The following ADCK1 variants were observed in gnomAD, a reference collection of about 807,000 sequenced individuals.
ADCK1 encodes the protein aarF domain containing kinase 1, also known as aarF domain-containing protein kinase 1.
A neutral mutation model predicts 52.3 loss-of-function variants in ADCK1; 41 were observed. That is an observed-to-expected ratio of 0.78 (90% CI 0.61 to 1.02). The LOEUF is 1.02. Ranked by LOEUF, ADCK1 falls within the 50% of genes least tolerant of loss-of-function variation. The pLI is 0.00. For missense variants in ADCK1, 658 were observed against 679.5 expected, an observed-to-expected ratio of 0.97 and a Z score of 0.35; for synonymous variants, 250 against 274.6, an observed-to-expected ratio of 0.91 and a Z score of 0.89.
intron 1 of ADCK1, among the ~76,000 whole-genome samples, chr14:77,801,161 C>T (rs1000740065): frequency 6.6e-6 from 1 of 152,182 alleles, no homozygotes; most frequent in Admixed American, 6.5e-5. Flanking sequence ...GAGCTAGTAA[C>T]AACACACAGT....
intron 5 of ADCK1, among the ~76,000 whole-genome samples, chr14:77,889,775 T>C (rs897957556): frequency 6.6e-6 from 1 of 151,936 alleles, no homozygotes; most frequent in African/African-American, 2.4e-5. Context: ...GGGATATCCC[T>C]GTTGGTCTGG....
intron 8 of ADCK1, 58 bp downstream of exon 8, chr14:77,924,664 A>C (rs912861218): frequency 3.5e-5 from 56 of 1,590,812 alleles, no homozygotes; most frequent in Middle Eastern, 4.0e-4. Flanking sequence ...TCTGCTGACC[A>C]CTCTAATTAG....
intron 5 of ADCK1, among the ~76,000 whole-genome samples, chr14:77,898,420 A>C (rs977333381): frequency 3.3e-5 from 5 of 152,220 alleles, no homozygotes; most frequent in African/African-American, 1.2e-4. Context: ...CTGGATAAAG[A>C]AAATGTGGTA....
intron 3 of ADCK1, among the ~76,000 whole-genome samples, chr14:77,857,321 T>A (rs1336326472): frequency 6.6e-6 from 1 of 152,070 alleles, no homozygotes; most frequent in Non-Finnish European, 1.5e-5. Context: ...TCAAAAAAAA[T>A]TGTGCAAATT....
intron 1 of ADCK1, among the ~76,000 whole-genome samples, chr14:77,806,567 T>C (rs1276084066): frequency 6.6e-6 from 1 of 152,160 alleles, no homozygotes; most frequent in Admixed American, 6.5e-5. Flanking sequence ...ACTTTTTCAG[T>C]GTGCCTTTCG....
At chr14:77,835,335 A>T (rs1017790003) in intron 3 of ADCK1, among the ~76,000 whole-genome samples, 4 of 152,202 alleles carry the variant, frequency 2.6e-5, no homozygotes, top group African/African-American at 9.7e-5. Flanking sequence ...TACCTTACCC[A>T]TGCAGTTGTA....
intron 5 of ADCK1, among the ~76,000 whole-genome samples, chr14:77,890,401 G>C (rs1241250198): frequency 6.6e-6 from 1 of 152,214 alleles, no homozygotes; most frequent in South Asian, 2.1e-4. Flanking sequence ...AGTGGCCCAA[G>C]AGAATAAGGC....
At position 77,925,675 on chromosome 14, in the gene ADCK1, G is replaced by A. The variant is rs559134757; in HGVS notation, c.1009-89G>A. The A allele has an allele frequency of 7.7e-5, 103 of 1,336,520 alleles. 1 individual carries two copies. In the Middle Eastern group the frequency reaches 1.6e-3, roughly 20 times the overall value. The allele number at this position is 1,336,520 out of a possible 1,614,324, so 82.8% of individuals were successfully genotyped here. On this transcript the variant is annotated intron_variant, in intron 8 of 10. Transcript: ENST00000238561. ...GTGGGAAGGCACAGTCCTCACCGTC[G>A]TCTTTTGCAATGGTTGGCATCAGCC...
chr14:77,924,270 G>A (rs2084130534), intron 7 of ADCK1, 187 bp from the exon 8 acceptor site: 1 of 707,600 alleles, frequency 1.4e-6, no homozygotes, highest in South Asian at 2.0e-5. Flanking sequence ...CTAAGGTGCA[G>A]CTAAAGTTAA....
At chr14:77,816,428 T>A (rs201846689) in intron 1 of ADCK1, among the ~76,000 whole-genome samples, 14 of 151,700 alleles carry the variant, frequency 9.2e-5, no homozygotes, top group South Asian at 4.2e-4. Context: ...TTTCTGATTG[T>A]GGATCTTAAC....
intron 1 of ADCK1, among the ~76,000 whole-genome samples, chr14:77,811,122 C>T (rs2081331338): frequency 6.6e-6 from 1 of 151,474 alleles, no homozygotes; most frequent in Non-Finnish European, 1.5e-5. Flanking sequence ...GTGGGGGCCA[C>T]CTAGAATGTT....
chr14:77,865,342 G>A (rs979513953), intron 4 of ADCK1, among the ~76,000 whole-genome samples: 1 of 152,108 alleles, frequency 6.6e-6, no homozygotes, highest in Non-Finnish European at 1.5e-5. Context: ...ATTTAGCCAA[G>A]TGTGGTGGTG....
chr14:77,846,239 A>T (rs1210001772), intron 3 of ADCK1, among the ~76,000 whole-genome samples: 1 of 152,134 alleles, frequency 6.6e-6, no homozygotes, highest in Non-Finnish European at 1.5e-5. Context: ...TTCAATAGCC[A>T]GCTGGTGCCA....
In ADCK1 at chr14:77,933,473, T is replaced by G; in HGVS notation, c.*82T>G. ...TTGCCTCCACCCAGCTGCTCCATTT[T>G]TGCCACATCGTGGCCCGCAGCCCCA... On this transcript the variant is annotated 3_prime_UTR_variant, in exon 11 of 11. Transcript: ENST00000238561. 1 of 1,566,084 alleles carries G rather than the reference T, an allele frequency of 6.4e-7. No individual in the cohort carries two copies. Among genetic ancestry groups the G allele is most frequent in the Non-Finnish European group, 8.7e-7 (1 of 1,144,378 alleles).
chr14:77,848,805 C>T (rs933599015), intron 3 of ADCK1, among the ~76,000 whole-genome samples: 4 of 151,196 alleles, frequency 2.6e-5, no homozygotes, highest in African/African-American at 9.7e-5. Flanking sequence ...ACTCTGTTGC[C>T]CAGGCTGAGG....
intron 1 of ADCK1, among the ~76,000 whole-genome samples, chr14:77,806,781 C>G (rs2081233251): frequency 6.6e-6 from 1 of 151,988 alleles, no homozygotes; most frequent in Non-Finnish European, 1.5e-5. Context: ...GTGGCATGGT[C>G]CCAGCTCACT....
chr14:77,806,163 C>G (rs1422479896), intron 1 of ADCK1, among the ~76,000 whole-genome samples: 1 of 151,500 alleles, frequency 6.6e-6, no homozygotes, highest in Non-Finnish European at 1.5e-5. Context: ...TGAGCTCAAG[C>G]GGTCTTCCCA....
rs1363334178 is a variant in ADCK1, at chr14:77,934,622, T to A, written c.*1231T>A. 3 of 152,296 alleles carry A rather than the reference T, an allele frequency of 2.0e-5. No individual in the cohort carries two copies. Among genetic ancestry groups the A allele is most frequent in the Non-Finnish European group, 4.4e-5 (3 of 68,108 alleles). The allele number at this position is 152,296 out of a possible 1,614,324, so 9.4% of individuals were successfully genotyped here. ...CCCAGCCTGGTTGTCTGCTTCTGTT[T>A]CTTGGACATCCCTAAGCTCCTGCTC... is the stretch of plus-strand genomic sequence containing the variant. On this transcript the variant is annotated 3_prime_UTR_variant, in exon 11 of 11. Transcript: ENST00000238561.
At chr14:77,911,199 A>G (rs1429519543) in intron 7 of ADCK1, among the ~76,000 whole-genome samples, 1 of 152,210 alleles carries the variant, frequency 6.6e-6, no homozygotes, top group Non-Finnish European at 1.5e-5. Flanking sequence ...GAGAGGTTAA[A>G]CAACTTGCCC....
Sources: gnomAD v4.1 joint callset for allele counts (sites outside exome capture counted in the v4.1 genomes callset) on GRCh38, gnomAD v4.1.1 for gene constraint, MANE v1.5 for transcripts, NCBI Gene and HGNC (gene_info 2026-07-23, HGNC 2026-07-21) for gene names.